The following SCN11A variants were observed in gnomAD, a reference collection of about 807,000 sequenced individuals.
SCN11A encodes the protein sodium channel protein type 11 subunit alpha.
Under a neutral mutation model 162.2 loss-of-function variants are expected in SCN11A, and 122 were observed. The observed-to-expected ratio is 0.75, with a 90% CI of 0.65 to 0.87. The LOEUF (loss-of-function observed/expected upper bound fraction) is 0.87, where lower values mean the gene tolerates loss of function less well. SCN11A is among the 40% of genes least tolerant of loss of function. The probability of loss-of-function intolerance (pLI) is 0.00; values close to 1 mark genes in which losing one functional copy is unlikely to be tolerated. For synonymous variants in SCN11A, 758 were observed against 751.5 expected (o/e 1.01, Z -0.14); for missense variants, 2,015 against 2,181.6 (o/e 0.92, Z 1.52).
rs950300328 is a variant in SCN11A, at chr3:38,908,937, C to T, written c.1299+60G>A. On this transcript the variant is annotated intron_variant, in intron 13 of 29. Transcript: ENST00000302328. Reference sequence around the variant, plus strand: ...CAGCCTTGAGTCTCAGGTCACATTGCCTCTGGGGACCCCTTCCCCTCCCCA... The same window carrying T: ...CAGCCTTGAGTCTCAGGTCACATTGTCTCTGGGGACCCCTTCCCCTCCCCA... 2.2e-5 allele frequency: 32 copies of T among 1,475,714 alleles called. No individual in the cohort carries two copies. The African/African-American group carries it at 3.6e-4, about 17-fold the overall frequency. The allele number at this position is 1,475,714 out of a possible 1,614,324, so 91.4% of individuals were successfully genotyped here. A position where few individuals can be genotyped will look rare whatever the true frequency, so the allele number is the denominator to read the frequency against.
intron 19 of SCN11A, among the ~76,000 whole-genome samples, chr3:38,893,066 A>G (rs2065526098): frequency 6.6e-6 from 1 of 152,162 alleles, no homozygotes; most frequent in African/African-American, 2.4e-5. Context: ...GAAGGCAGAG[A>G]TTGCCAGAAT....
intron 2 of SCN11A, among the ~76,000 whole-genome samples, chr3:38,994,935 C>T (rs186883857): frequency 6.6e-6 from 1 of 152,200 alleles, no homozygotes; most frequent in Non-Finnish European, 1.5e-5. Context: ...ACAAAGCCGT[C>T]AAGGGAAACA....
At chr3:38,971,842 T>C (rs1476241771) in intron 2 of SCN11A, among the ~76,000 whole-genome samples, 1 of 152,208 alleles carries the variant, frequency 6.6e-6, no homozygotes, top group Non-Finnish European at 1.5e-5. Context: ...TATAAAGTAA[T>C]ATTCAATTCC....
rs548162541 is a variant in SCN11A at position 38,886,145 on chromosome 3, T to C, written c.2929A>G (p.Thr977Ala). The C allele has an allele frequency of 6.2e-7, 1 of 1,611,112 alleles. No homozygotes were observed. The highest frequency in any genetic ancestry group is 1.1e-5 in the South Asian group (1 of 90,938). ...ATTACCTTTCGGGGATCCTGTATGG[T>C]CAGATGAGGCTCATCTTCAGAGAAC... is the stretch of plus-strand genomic sequence containing the variant. ...DMFSEDEPHL[T>A]IQDPRKKSDV... Residue 977 changes from threonine (T) to alanine (A), a missense_variant, in exon 20 of 30, where the codon ACC (threonine) becomes GCC (alanine). Thr to Ala is a moderately conservative substitution (Grantham distance 58). Transcript: ENST00000302328.
intron 2 of SCN11A, among the ~76,000 whole-genome samples, chr3:39,028,516 T>C (rs1474917028): frequency 6.6e-6 from 1 of 152,230 alleles, no homozygotes; most frequent in Non-Finnish European, 1.5e-5. Flanking sequence ...ACTCATGCCA[T>C]ACCATTCTTT....
In SCN11A at chr3:38,846,999, C is replaced by T. The variant is rs754911340; in HGVS notation, c.5071G>A (p.Ala1691Thr). ...HCMDILFAFT[A>T]RVLGGSDGLD... The stretch of plus-strand genomic sequence containing the variant: ...CCATCAGAGCCACCGAGTACCCTAG[C>T]GGTGAAGGCGAAAAGAATATCCATG... Residue 1691 changes from alanine to threonine, a missense_variant, in exon 30 of 30, where the codon GCT becomes ACT. Ala to Thr is a moderately conservative substitution (Grantham distance 58, BLOSUM62 0). Coordinates refer to ENST00000302328, the MANE Select transcript of SCN11A (RefSeq NM_001349253.2). 45 of 1,613,948 alleles carry T rather than the reference C, an allele frequency of 2.8e-5. No individual in the cohort carries two copies. Among genetic ancestry groups the T allele is most frequent in the Admixed American group, 1.0e-4 (6 of 59,994 alleles).
chr3:38,902,298 A>G (rs1460293720), intron 16 of SCN11A, among the ~76,000 whole-genome samples: 1 of 152,136 alleles, frequency 6.6e-6, no homozygotes, highest in Non-Finnish European at 1.5e-5. Flanking sequence ...ACAAGCAACT[A>G]TGTGTTAGGT....
At chr3:39,023,405 G>C (rs2031504797) in intron 2 of SCN11A, among the ~76,000 whole-genome samples, 1 of 151,704 alleles carries the variant, frequency 6.6e-6, no homozygotes, top group Non-Finnish European at 1.5e-5. Flanking sequence ...AACCTGAAAG[G>C]GTTTTTTTGA....
chr3:39,009,838 A>G (rs1171062753), intron 2 of SCN11A, among the ~76,000 whole-genome samples: 2 of 128,404 alleles, frequency 1.6e-5, no homozygotes, highest in Admixed American at 8.2e-5. Context: ...CATCACGCTC[A>G]GCTAATTTTT....
intron 2 of SCN11A, among the ~76,000 whole-genome samples, chr3:38,976,428 A>T (rs2125588805): frequency 6.6e-6 from 1 of 152,326 alleles, no homozygotes; most frequent in South Asian, 2.1e-4. Context: ...ATTTCAAATC[A>T]AATACAGTTA....
At chr3:38,905,715 G>A (rs1218503977) in intron 14 of SCN11A, among the ~76,000 whole-genome samples, 2 of 152,216 alleles carry the variant, frequency 1.3e-5, no homozygotes, top group Non-Finnish European at 2.9e-5. Context: ...TATAAATTTA[G>A]AAAGGTGGAC....
intron 2 of SCN11A, among the ~76,000 whole-genome samples, chr3:39,004,224 C>T (rs1159002389): frequency 6.6e-6 from 1 of 152,204 alleles, no homozygotes; most frequent in Non-Finnish European, 1.5e-5. Context: ...GATCCAGCTT[C>T]AGTCTTCTGC....
rs763222713 is a variant in SCN11A at position 38,894,614 on chromosome 3, T to G, written c.2754A>C (p.Pro918=). 5 of 1,614,168 alleles carry G rather than the reference T, an allele frequency of 3.1e-6. No individual in the cohort carries two copies. In the Admixed American group the frequency reaches 8.3e-5, roughly 27 times the overall value. The change falls in exon 19 of 30, where the codon CCA becomes CCC. Residue 918 remains proline, a synonymous_variant. Coordinates refer to ENST00000302328, the MANE Select transcript of SCN11A (RefSeq NM_001349253.2). The stretch of plus-strand genomic sequence containing the variant: ...CAACGTCATCTTCCTCCTCCGCAAG[T>G]GGTGCCAACCAAGTCCAATCATGCC... ...GVRHDWTWLA[P]LAEEEDDVEF... is the part of the protein sequence containing the mutation.
intron 11 of SCN11A, among the ~76,000 whole-genome samples, chr3:38,915,772 A>G (rs961157976): frequency 1.3e-4 from 20 of 152,060 alleles, no homozygotes; most frequent in Admixed American, 1.3e-3. Flanking sequence ...AAGAATGTAT[A>G]TTCTGTTGTT....
In SCN11A at chr3:38,894,748, C is replaced by T. The variant is rs1255412670; in HGVS notation, c.2620G>A (p.Ala874Thr). The stretch of plus-strand genomic sequence containing the variant: ...GGAATGATGTCTTTGCTTTGTGCAG[C>T]ACAGCCTCCTGCCACCTCTTTTTGC... ...PQQKEVAGGC[A>T]AQSKDIIPLV... The change falls in exon 19 of 30, where the codon GCT becomes ACT. Residue 874 changes from alanine to threonine, a missense_variant. Transcript: ENST00000302328. The T allele has an allele frequency of 6.2e-7, 1 of 1,614,196 alleles. No individual in the cohort carries two copies. Among genetic ancestry groups the T allele is most frequent in the East Asian group, 2.2e-5 (1 of 44,880 alleles).
intron 1 of SCN11A, among the ~76,000 whole-genome samples, chr3:39,047,995 C>T (rs2032226370): frequency 6.7e-6 from 1 of 149,222 alleles, no homozygotes; most frequent in South Asian, 2.1e-4. Context: ...ACTACAACTA[C>T]CATATGATCC....
At chr3:38,899,021 T>C (rs2065652006) in intron 17 of SCN11A, among the ~76,000 whole-genome samples, 1 of 152,122 alleles carries the variant, frequency 6.6e-6, no homozygotes, top group Non-Finnish European at 1.5e-5. Context: ...TGTAACCTCT[T>C]ACTATATCCC....
At chr3:39,027,400 G>C (rs1478531034) in intron 2 of SCN11A, among the ~76,000 whole-genome samples, 1 of 152,144 alleles carries the variant, frequency 6.6e-6, no homozygotes, top group African/African-American at 2.4e-5. Flanking sequence ...GTTGACACCA[G>C]TTTTTCAAAA....
chr3:39,002,512 A>G (rs779710969), intron 2 of SCN11A, among the ~76,000 whole-genome samples: 4 of 152,224 alleles, frequency 2.6e-5, no homozygotes, highest in Non-Finnish European at 5.9e-5. Flanking sequence ...CAAGTTTTGT[A>G]ACTGAAGGTT....
Sources: allele counts gnomAD v4.1 joint callset (sites outside exome capture counted in the v4.1 genomes callset), GRCh38; gene constraint gnomAD v4.1.1; transcripts MANE v1.5; gene names NCBI Gene and HGNC (gene_info 2026-07-23, HGNC 2026-07-21).